The following WDFY4 variants were observed in gnomAD, a reference collection of about 807,000 sequenced individuals.
The protein encoded by WDFY4 is WDFY family member 4.
WDFY4 carries 169 observed loss-of-function variants against 351.9 expected under a neutral mutation model. That is an observed-to-expected ratio of 0.48 (90% confidence interval 0.42 to 0.55). The LOEUF (loss-of-function observed/expected upper bound fraction) is 0.55. Ranked by LOEUF, WDFY4 falls within the 20% of genes least tolerant of loss-of-function variation. The pLI, the probability that WDFY4 is intolerant of heterozygous loss-of-function variation, is 0.00. For synonymous variants in WDFY4, 1,622 were observed against 1,574.6 expected, an observed-to-expected ratio of 1.03 and a Z score of -0.71; for missense variants, 3,803 against 3,935.6, an observed-to-expected ratio of 0.97 and a Z score of 0.90.
intron 3 of WDFY4, among the ~76,000 whole-genome samples, 153 bp from the exon 4 acceptor site, chr10:48,721,108 G>T (rs2064071519): frequency 6.6e-6 from 1 of 152,184 alleles, no homozygotes; most frequent in African/African-American, 2.4e-5. Flanking sequence ...GGAGCGTTTG[G>T]TAGAGATGCA....
At chr10:48,973,989 C>T (rs1012302186) in intron 57 of WDFY4, among the ~76,000 whole-genome samples, 5 of 152,192 alleles carry the variant, frequency 3.3e-5, no homozygotes, top group African/African-American at 1.2e-4. Flanking sequence ...GTGCACGTGC[C>T]TCTGAGGTTC....
rs901826017 is a variant in WDFY4 at position 48,716,071 on chromosome 10, C to T, written c.235-3940C>T. On this transcript the variant is annotated intron_variant, in intron 2 of 61. Transcript: ENST00000325239. ...CTGCAACATGGTTTATTCCCATCTT[C>T]GGGAAATAACACTTTTTAGCAAAGT... Among the ~76,000 whole-genome samples, 10 of 152,082 alleles carry T rather than the reference C, an allele frequency of 6.6e-5. No individual in the cohort carries two copies. In the East Asian group the frequency reaches 9.6e-4, roughly 15 times the overall value.
chr10:48,788,708 T>C, intron 21 of WDFY4, 33 bp downstream of exon 21: 2 of 1,548,272 alleles, frequency 1.3e-6, no homozygotes, highest in Non-Finnish European at 1.7e-6. Context: ...TAATCTCTGT[T>C]GGAATCTGGT....
intron 48 of WDFY4, 71 bp downstream of exon 48, chr10:48,941,919 G>T: frequency 7.0e-7 from 1 of 1,428,170 alleles, no homozygotes; most frequent in South Asian, 1.2e-5. Context: ...CCCAGCGATG[G>T]AGAGGAAGTG....
Position 48,939,755 on chromosome 10 carries a change from G to T in WDFY4, c.7587-2051G>T, listed in dbSNP as rs75866494. Among the ~76,000 whole-genome samples, 734 of 152,294 alleles carry T rather than the reference G, an allele frequency of 4.8e-3. 3 individuals are homozygous for T. Among genetic ancestry groups the T allele is most frequent in the African/African-American group, 0.017 (706 of 41,562 alleles). On this transcript the variant is annotated intron_variant, in intron 47 of 61. Coordinates refer to ENST00000325239, the MANE Select transcript of WDFY4 (RefSeq NM_001394531.1). The stretch of plus-strand genomic sequence containing the variant: ...AAAAAATAGATCTCACCTTTGGTTA[G>T]GTGTCCTGGAACTGCTGGTAATGGC...
At chr10:48,882,792 C>CT (rs2133332486) in intron 43 of WDFY4, among the ~76,000 whole-genome samples, 1 of 152,328 alleles carries the variant, frequency 6.6e-6, no homozygotes, top group Admixed American at 6.5e-5. Context: ...TACAAGGGAT[C>CT]TGCCCCCATC....
At chr10:48,720,203 C>T (rs2064035146) in intron 3 of WDFY4, 78 bp downstream of exon 3, 3 of 1,412,928 alleles carry the variant, frequency 2.1e-6, no homozygotes, top group East Asian at 2.5e-5. Context: ...CTCTCAGGCC[C>T]CCCTCTGCTT....
chr10:48,783,086 G>T (rs926724140), intron 19 of WDFY4, among the ~76,000 whole-genome samples: 5 of 152,124 alleles, frequency 3.3e-5, no homozygotes, highest in African/African-American at 4.8e-5. Flanking sequence ...GAGTGAAAAA[G>T]AATATTTCTG....
At chr10:48,698,957 G>A (rs763383803) in intron 1 of WDFY4, among the ~76,000 whole-genome samples, 14 of 152,192 alleles carry the variant, frequency 9.2e-5, no homozygotes, top group South Asian at 8.3e-4. Context: ...AAATCAGTCC[G>A]CTGGCAACTC....
At chr10:48,812,033 G>T (rs749419784) in intron 30 of WDFY4, among the ~76,000 whole-genome samples, 2 of 152,216 alleles carry the variant, frequency 1.3e-5, no homozygotes. Flanking sequence ...CAGCACCCCA[G>T]CCCCTCATCC....
At chr10:48,957,613 G>C (rs1003867680) in intron 52 of WDFY4, among the ~76,000 whole-genome samples, 1 of 152,232 alleles carries the variant, frequency 6.6e-6, no homozygotes, top group African/African-American at 2.4e-5. Flanking sequence ...TCTGCCTCGA[G>C]ACCTTGGGCA....
chr10:48,721,388 C>T (rs956213948), intron 4 of WDFY4, 21 bp downstream of exon 4: 3 of 1,550,008 alleles, frequency 1.9e-6, no homozygotes, highest in Non-Finnish European at 2.6e-6. Context: ...GACCATCAGC[C>T]TCTGCCCTGG....
chr10:48,788,047 C>T (rs556310150), intron 20 of WDFY4, among the ~76,000 whole-genome samples: 27 of 147,486 alleles, frequency 1.8e-4, no homozygotes, highest in African/African-American at 5.8e-4. Flanking sequence ...TCTTCTTCTT[C>T]GACAGAGTCT....
chr10:48,880,394 AG>A (rs2070197451), intron 43 of WDFY4, among the ~76,000 whole-genome samples: 1 of 152,196 alleles, frequency 6.6e-6, no homozygotes, highest in African/African-American at 2.4e-5. Context: ...CAGCCTCTGA[AG>A]CAGGACAGAA....
At chr10:48,709,011 C>A (rs971972973) in intron 1 of WDFY4, among the ~76,000 whole-genome samples, 1 of 151,710 alleles carries the variant, frequency 6.6e-6, no homozygotes. Flanking sequence ...AACAACACCC[C>A]CCCCCCCCAA....
At chr10:48,787,889 TTCTCCTTCTTCTTCTTCTTCTTC>T (rs2066492794) in intron 20 of WDFY4, among the ~76,000 whole-genome samples, 3 of 79,048 alleles carry the variant, frequency 3.8e-5, no homozygotes, top group East Asian at 5.5e-4. Context: ...TTTCTTCTTC[TTCTCCTTCTTCTTCTTCTTCTTC>T]TTCTTCTTCT....
chr10:48,800,066 A>G (rs1210497996), intron 24 of WDFY4, among the ~76,000 whole-genome samples: 1 of 152,000 alleles, frequency 6.6e-6, no homozygotes, highest in South Asian at 2.1e-4. Context: ...TTGTATTTGT[A>G]GTAGAGACGG....
chr10:48,927,776 A>G (rs974833400), intron 47 of WDFY4, among the ~76,000 whole-genome samples: 10 of 152,250 alleles, frequency 6.6e-5, no homozygotes, highest in Admixed American at 2.6e-4. Flanking sequence ...ACACGGCCCA[A>G]TAACAAAAGA....
intron 43 of WDFY4, among the ~76,000 whole-genome samples, chr10:48,880,339 C>T (rs2070194594): frequency 6.6e-6 from 1 of 152,182 alleles, no homozygotes; most frequent in Non-Finnish European, 1.5e-5. Flanking sequence ...AGGGATCTTG[C>T]TGGGGGAGCG....
Sources: allele counts gnomAD v4.1 joint callset (sites outside exome capture counted in the v4.1 genomes callset), GRCh38; gene constraint gnomAD v4.1.1; transcripts MANE v1.5; gene names NCBI Gene and HGNC (gene_info 2026-07-23, HGNC 2026-07-21).